PCSK5: variants seen among roughly 807,000 people sequenced by gnomAD.
PCSK5 encodes the protein prohormone convertase 5.
In PCSK5, 129 loss-of-function variants were observed where a neutral mutation model predicts 233.2. That is an observed-to-expected ratio of 0.55 (90% confidence interval 0.48 to 0.64). PCSK5 has a LOEUF of 0.64. PCSK5 is among the 30% of genes least tolerant of loss of function. The pLI is 0.00. For synonymous variants in PCSK5, 825 were observed against 879.2 expected, an observed-to-expected ratio of 0.94 and a Z score of 1.09; for missense variants, 2,076 against 2,430.1, an observed-to-expected ratio of 0.85 and a Z score of 3.06.
chr9:76,337,857 C>G (rs1051609932), intron 34 of PCSK5, among the ~76,000 whole-genome samples: 2 of 151,322 alleles, frequency 1.3e-5, no homozygotes, highest in African/African-American at 4.9e-5. Context: ...AAAAAAAGAT[C>G]CTTCCATTCT....
At chr9:76,067,825 A>C in intron 5 of PCSK5, 130 bp from the exon 6 acceptor site, 3 of 695,020 alleles carry the variant, frequency 4.3e-6, no homozygotes, top group Non-Finnish European at 5.2e-6. Context: ...ACAAAGTGCT[A>C]CTTGGGAAGG....
intron 20 of PCSK5, among the ~76,000 whole-genome samples, chr9:76,222,914 A>C (rs936903379): frequency 4.6e-5 from 7 of 152,250 alleles, no homozygotes; most frequent in African/African-American, 1.7e-4. Context: ...CTTAAGTTGG[A>C]AACTACATGT....
intron 24 of PCSK5, among the ~76,000 whole-genome samples, chr9:76,256,162 A>T (rs1183310163): frequency 6.6e-6 from 1 of 152,216 alleles, no homozygotes; most frequent in East Asian, 1.9e-4. Context: ...ATTCAAGCTC[A>T]CATTCTTAGA....
chr9:75,967,720 A>G (rs1469798976), intron 2 of PCSK5, among the ~76,000 whole-genome samples: 5 of 152,108 alleles, frequency 3.3e-5, no homozygotes, highest in Non-Finnish European at 5.9e-5. Flanking sequence ...TGGTATTCTA[A>G]TAACTCCCTC....
intron 3 of PCSK5, among the ~76,000 whole-genome samples, chr9:76,016,554 G>A (rs1827956782): frequency 6.6e-6 from 1 of 152,102 alleles, no homozygotes; most frequent in Non-Finnish European, 1.5e-5. Flanking sequence ...AGAAATGCCC[G>A]CTAAGTTTTA....
intron 3 of PCSK5, among the ~76,000 whole-genome samples, chr9:76,020,910 T>C (rs1828158287): frequency 6.6e-6 from 1 of 152,152 alleles, no homozygotes; most frequent in Non-Finnish European, 1.5e-5. Flanking sequence ...CACGGCAGGT[T>C]TTGAAAGGAG....
chr9:76,282,020 T>A (rs1287878691), intron 24 of PCSK5, among the ~76,000 whole-genome samples: 1 of 151,334 alleles, frequency 6.6e-6, no homozygotes, highest in Non-Finnish European at 1.5e-5. Flanking sequence ...ATCTGGGCAA[T>A]GTAAATTGAA....
At chr9:76,036,310 G>A (rs1319102451) in intron 5 of PCSK5, among the ~76,000 whole-genome samples, 2 of 152,196 alleles carry the variant, frequency 1.3e-5, no homozygotes, top group African/African-American at 4.8e-5. Flanking sequence ...AATAAAAGGT[G>A]AATAACACTG....
chr9:76,026,845 A>G (rs1201223635), intron 4 of PCSK5, 116 bp from the exon 5 acceptor site: 2 of 666,202 alleles, frequency 3.0e-6, no homozygotes, highest in Non-Finnish European at 5.4e-6. Context: ...TGAGCGTATT[A>G]GTTAACCTAA....
intron 3 of PCSK5, among the ~76,000 whole-genome samples, chr9:76,014,114 C>T (rs1052399599): frequency 1.2e-4 from 18 of 152,108 alleles, no homozygotes; most frequent in African/African-American, 4.3e-4. Context: ...GATTTATGCT[C>T]AGAGGGGACC....
intron 24 of PCSK5, among the ~76,000 whole-genome samples, chr9:76,279,043 C>T (rs570328453): frequency 4.5e-4 from 66 of 147,558 alleles, no homozygotes; most frequent in Middle Eastern, 3.4e-3. Flanking sequence ...GGCATGTCTC[C>T]CAATGCTATC....
At chr9:76,163,466 C>T (rs1163222567) in intron 12 of PCSK5, among the ~76,000 whole-genome samples, 1 of 152,240 alleles carries the variant, frequency 6.6e-6, no homozygotes, top group East Asian at 1.9e-4. Flanking sequence ...ATTAGCCCGG[C>T]GTGCATGCTC....
intron 2 of PCSK5, among the ~76,000 whole-genome samples, chr9:75,980,190 G>T (rs909564630): frequency 8.5e-5 from 13 of 152,182 alleles, no homozygotes; most frequent in Non-Finnish European, 1.8e-4. Context: ...AGTGAGTAAT[G>T]TAATTAGAAC....
In PCSK5 at chr9:76,159,133, C is replaced by T. The variant is rs780316988; in HGVS notation, c.1581C>T (p.Thr527=). The T allele has an allele frequency of 3.1e-6, 5 of 1,614,016 alleles. No homozygotes were observed. Among genetic ancestry groups the T allele is most frequent in the Non-Finnish European group, 4.2e-6 (5 of 1,180,020 alleles). ...GAGGAGACCTGGCCATCTACCTGAC[C>T]TCGCCCTCTGGAACTAGGTCTCAGC... The part of the protein sequence containing the change: ...PRRGDLAIYL[T]SPSGTRSQLL... The change falls in exon 12 of 38, where the codon ACC becomes ACT. Residue 527 remains threonine, a synonymous_variant. Transcript: ENST00000674117.
chr9:76,131,734 C>T (rs1043306464), intron 9 of PCSK5, among the ~76,000 whole-genome samples: 4 of 151,878 alleles, frequency 2.6e-5, no homozygotes, highest in African/African-American at 9.7e-5. Flanking sequence ...TGTGGATCTC[C>T]CAATGATCAG....
rs140129555 is a variant in PCSK5, at chr9:76,009,914, G to A, written c.412-13824G>A. Among the ~76,000 whole-genome samples the A allele has an allele frequency of 4.8e-4, 73 of 152,208 alleles. 1 individual carries two copies. The highest frequency in any genetic ancestry group is 6.8e-3 in the Middle Eastern group (2 of 294). On this transcript the variant is annotated intron_variant, in intron 3 of 37. Transcript: ENST00000674117. Reference sequence around the variant, plus strand: ...CTCAGAGAAGGCAAACTGTCTCCTCGTCCTAGGGAATAAATCATGAATGGT... The same window carrying A: ...CTCAGAGAAGGCAAACTGTCTCCTCATCCTAGGGAATAAATCATGAATGGT...
chr9:76,141,655 C>T (rs1028881499), intron 10 of PCSK5, among the ~76,000 whole-genome samples: 1 of 152,082 alleles, frequency 6.6e-6, no homozygotes, highest in African/African-American at 2.4e-5. Context: ...CTGTGGCAAC[C>T]ACTGATCTAC....
intron 27 of PCSK5, among the ~76,000 whole-genome samples, 170 bp from the exon 28 acceptor site, chr9:76,301,967 T>C (rs1344604362): frequency 8.1e-6 from 1 of 123,068 alleles, no homozygotes; most frequent in African/African-American, 2.6e-5. Context: ...TGATGACACA[T>C]CTATACATAG....
chr9:75,938,521 G>A (rs1223141542), intron 2 of PCSK5, among the ~76,000 whole-genome samples: 1 of 152,166 alleles, frequency 6.6e-6, no homozygotes, highest in Non-Finnish European at 1.5e-5. Context: ...CCAGACACAC[G>A]AAGTGAGCAC....
Sources: allele counts gnomAD v4.1 joint callset (sites outside exome capture counted in the v4.1 genomes callset), GRCh38; gene constraint gnomAD v4.1.1; transcripts MANE v1.5; gene names NCBI Gene and HGNC (gene_info 2026-07-23, HGNC 2026-07-21).